The following CRBN variants were observed in gnomAD, a reference collection of about 807,000 sequenced individuals.
The protein encoded by CRBN is protein cereblon.
CRBN carries 53 observed loss-of-function variants against 62.2 expected under a neutral mutation model. The observed-to-expected ratio is 0.85, with a 90% CI of 0.68 to 1.07. The LOEUF (loss-of-function observed/expected upper bound fraction) is 1.07. Ranked by LOEUF, CRBN falls within the 50% of genes least tolerant of loss-of-function variation. The pLI is 0.00. For missense variants in CRBN, 616 were observed against 531.1 expected, an observed-to-expected ratio of 1.16 and a Z score of -1.57; for synonymous variants, 208 against 176.1, an observed-to-expected ratio of 1.18 and a Z score of -1.43.
chr3:3,153,408 G>A lies in CRBN; in HGVS notation c.1016+16C>T, dbSNP rs547623806. The A allele has an allele frequency of 5.1e-5, 70 of 1,370,892 alleles. No individual in the cohort carries two copies. The highest frequency in any genetic ancestry group is 6.4e-5 in the Non-Finnish European group (61 of 958,802). The allele number at this position is 1,370,892 out of a possible 1,614,324, so 84.9% of individuals were successfully genotyped here. A position where few individuals can be genotyped will look rare whatever the true frequency, so the allele number is the denominator to read the frequency against. On this transcript the variant is annotated intron_variant, in intron 9 of 10. Transcript: ENST00000231948. ...CTGATAAGGCAAGTATATTAAAAAC[G>A]TAATAAAGACCTTACCTGAATATTT... is the stretch of plus-strand genomic sequence containing the variant.
chr3:3,175,081 A>T, intron 2 of CRBN, 82 bp downstream of exon 2: 1 of 933,850 alleles, frequency 1.1e-6, no homozygotes, highest in Non-Finnish European at 1.7e-6. Context: ...AGTAATACAA[A>T]TATCAGTCAC....
At chr3:3,177,420 AT>A (rs1707870629) in intron 1 of CRBN, among the ~76,000 whole-genome samples, 1 of 152,232 alleles carries the variant, frequency 6.6e-6, no homozygotes. Flanking sequence ...CAAAAACAGA[AT>A]TACTTCAACT....
At chr3:3,156,864 C>G (rs530215456) in intron 5 of CRBN, 1 of 152,250 alleles carries the variant, frequency 6.6e-6, no homozygotes, top group Non-Finnish European at 1.5e-5. Flanking sequence ...AGGAGCATGC[C>G]TAAGTCCATA....
chr3:3,173,767 G>C (rs1350145025), intron 3 of CRBN: 2 of 423,730 alleles, frequency 4.7e-6, no homozygotes, highest in Admixed American at 3.7e-5. Flanking sequence ...GACAGTTATT[G>C]AAACTAAGAT....
chr3:3,175,420 C>A, intron 1 of CRBN, 151 bp from the exon 2 acceptor site: 1 of 636,930 alleles, frequency 1.6e-6, no homozygotes, highest in South Asian at 1.8e-5. Context: ...GGACTGGGGT[C>A]CGTGCTGGGC....
At chr3:3,163,146 G>A (rs981175462) in intron 5 of CRBN, among the ~76,000 whole-genome samples, 6 of 152,276 alleles carry the variant, frequency 3.9e-5, no homozygotes, top group East Asian at 3.9e-4. Flanking sequence ...ATCAGCTAGC[G>A]GTTTCTCTTG....
chr3:3,151,328 G>C (rs1444755149), intron 10 of CRBN, among the ~76,000 whole-genome samples: 1 of 152,086 alleles, frequency 6.6e-6, no homozygotes, highest in Non-Finnish European at 1.5e-5. Context: ...GAAATTGCTG[G>C]TTGCCAAGAC....
chr3:3,157,760 A>G (rs955504759), intron 5 of CRBN, among the ~76,000 whole-genome samples: 14 of 152,192 alleles, frequency 9.2e-5, no homozygotes, highest in Non-Finnish European at 1.8e-4. Flanking sequence ...TATTCTAGCT[A>G]TGTTAGTTTG....
At position 3,154,046 on chromosome 3, in the gene CRBN, G is replaced by GACCT; in HGVS notation, c.864_865insAGGT (p.Pro289ArgfsTer4). ...TGAATTCTCAATACATCATCAATAG[G>GACCT]AAGACAAGCAGCTACTCTGTAAGAA... On this transcript the variant is annotated frameshift_variant, in exon 8 of 11. Transcript: ENST00000231948. LOFTEE classifies it high-confidence loss of function. 6.2e-7 allele frequency: 1 copy of GACCT among 1,613,196 alleles called. No homozygotes were observed. The highest frequency in any genetic ancestry group is 8.5e-7 in the Non-Finnish European group (1 of 1,179,188).
chr3:3,154,248 C>A, intron 7 of CRBN, 173 bp from the exon 8 acceptor site: 1 of 596,692 alleles, frequency 1.7e-6, no homozygotes, highest in Non-Finnish European at 3.0e-6. Context: ...TTTTCAGAAG[C>A]TCTAAATTTA....
chr3:3,160,999 G>A (rs1707118961), intron 5 of CRBN, among the ~76,000 whole-genome samples: 2 of 152,096 alleles, frequency 1.3e-5, no homozygotes, highest in Non-Finnish European at 1.5e-5. Flanking sequence ...AGCTTTCCAC[G>A]GAAAAGTAAT....
chr3:3,173,120 T>G (rs1707691675), intron 3 of CRBN, among the ~76,000 whole-genome samples, 195 bp from the exon 4 acceptor site: 1 of 152,162 alleles, frequency 6.6e-6, no homozygotes, highest in Non-Finnish European at 1.5e-5. Context: ...AGCAGTGGCA[T>G]GAGCTCGGCT....
intron 5 of CRBN, among the ~76,000 whole-genome samples, chr3:3,157,308 A>G (rs1398876150): frequency 6.6e-6 from 1 of 152,246 alleles, no homozygotes; most frequent in South Asian, 2.1e-4. Flanking sequence ...AGCAGAATAT[A>G]AAGAATTATC....
chr3:3,159,346 A>C (rs1707041095), intron 5 of CRBN, among the ~76,000 whole-genome samples: 1 of 152,164 alleles, frequency 6.6e-6, no homozygotes, highest in African/African-American at 2.4e-5. Context: ...GACCCAACTG[A>C]AAGTTTTAGT....
chr3:3,169,098 G>C (rs1707491107), intron 4 of CRBN, among the ~76,000 whole-genome samples: 1 of 152,130 alleles, frequency 6.6e-6, no homozygotes, highest in South Asian at 2.1e-4. Flanking sequence ...CCCAACTATT[G>C]TATAAGATTT....
intron 1 of CRBN, among the ~76,000 whole-genome samples, chr3:3,176,179 C>T (rs528507852): frequency 6.6e-6 from 1 of 152,140 alleles, no homozygotes; most frequent in Non-Finnish European, 1.5e-5. Context: ...TCTCTTCTCC[C>T]TCACCAGTAA....
At chr3:3,174,282 G>A (rs754732455) in intron 2 of CRBN, 21 bp from the exon 3 acceptor site, 8 of 1,506,470 alleles carry the variant, frequency 5.3e-6, no homozygotes, top group South Asian at 3.4e-5. Context: ...ACATATATAG[G>A]TATAGTGTCA....
rs535459470 is a variant in CRBN at position 3,168,093 on chromosome 3, T to TA, written c.528-301dup. 1.8e-3 allele frequency among the ~76,000 whole-genome samples: 275 copies of TA among 151,926 alleles called. 2 individuals are homozygous for TA. The highest frequency in any genetic ancestry group is 6.3e-3 in the African/African-American group (259 of 41,284). ...AGAGTCTATAAATGAAACAAAGTTT[T>TA]AAAAAAACCAACATACAACCAACTA... On this transcript the variant is annotated intron_variant, in intron 4 of 10. Coordinates refer to ENST00000231948, the MANE Select transcript of CRBN (RefSeq NM_016302.4).
intron 4 of CRBN, among the ~76,000 whole-genome samples, chr3:3,168,716 T>C (rs1324277718): frequency 1.3e-5 from 2 of 152,172 alleles, no homozygotes; most frequent in African/African-American, 2.4e-5. Flanking sequence ...AATTCTGACA[T>C]TTTACTTATT....
Sources: gnomAD v4.1 joint callset for allele counts (sites outside exome capture counted in the v4.1 genomes callset) on GRCh38, gnomAD v4.1.1 for gene constraint, MANE v1.5 for transcripts, NCBI Gene and HGNC (gene_info 2026-07-23, HGNC 2026-07-21) for gene names.